Variants in XKR4 observed in about 807,000 individuals in gnomAD.
XKR4 encodes XK related 4.
A neutral mutation model predicts 53.9 loss-of-function variants in XKR4; 12 were observed. The observed-to-expected ratio is 0.22, with a 90% CI of 0.14 to 0.36. The LOEUF is 0.36. Ranked by LOEUF, XKR4 falls within the 10% of genes least tolerant of loss-of-function variation. The probability of loss-of-function intolerance (pLI) is 1.00; values close to 1 mark genes in which losing one functional copy is unlikely to be tolerated. For synonymous variants in XKR4, 354 were observed against 362.4 expected (o/e 0.98, Z 0.26); for missense variants, 799 against 859.5 (o/e 0.93, Z 0.88).
chr8:55,465,882 A>G (rs1273000149), intron 2 of XKR4, among the ~76,000 whole-genome samples: 1 of 152,082 alleles, frequency 6.6e-6, no homozygotes, highest in African/African-American at 2.4e-5. Context: ...AGACACATGA[A>G]AAAATGCTCA....
At chr8:55,513,289 G>A (rs1009840033) in intron 2 of XKR4, among the ~76,000 whole-genome samples, 8 of 152,332 alleles carry the variant, frequency 5.3e-5, no homozygotes, top group Non-Finnish European at 1.2e-4. Flanking sequence ...CAATATTAGT[G>A]ATGCTTGCGG....
Position 55,462,168 on chromosome 8 carries a change from A to C in XKR4, c.1007-61113A>C, listed in dbSNP as rs529021098. On this transcript the variant is annotated intron_variant, in intron 2 of 2. Coordinates refer to ENST00000327381, the MANE Select transcript of XKR4 (RefSeq NM_052898.2). ...GAGAAGAGCAACTCCAAGACACATA[A>C]TTGTCAGATTCACCAAAGTTGAAAT... Among the ~76,000 whole-genome samples the C allele has an allele frequency of 1.4e-4, 22 of 152,344 alleles. No individual in the cohort carries two copies. In the South Asian group the frequency reaches 4.6e-3, roughly 32 times the overall value.
intron 1 of XKR4, among the ~76,000 whole-genome samples, chr8:55,247,867 T>TCTTTC (rs1368785247): frequency 1.5e-4 from 4 of 26,340 alleles, no homozygotes; most frequent in Non-Finnish European, 2.5e-4. Context: ...TTTTTTTTTT[T>TCTTTC]TTTTTTTGAG....
At chr8:55,269,504 G>C (rs1818657750) in intron 1 of XKR4, among the ~76,000 whole-genome samples, 1 of 152,104 alleles carries the variant, frequency 6.6e-6, no homozygotes, top group African/African-American at 2.4e-5. Flanking sequence ...TATGCATGTG[G>C]TATTATCAGA....
chr8:55,395,638 C>G (rs1804506083), intron 2 of XKR4, among the ~76,000 whole-genome samples: 1 of 152,040 alleles, frequency 6.6e-6, no homozygotes, highest in African/African-American at 2.4e-5. Context: ...GGTCATTCAC[C>G]AGAATGTGTG....
chr8:55,303,523 A>G (rs1021360665), intron 1 of XKR4, among the ~76,000 whole-genome samples: 10 of 152,096 alleles, frequency 6.6e-5, no homozygotes, highest in African/African-American at 1.4e-4. Flanking sequence ...AAATGAGTTA[A>G]GGAGGATTCC....
At chr8:55,229,438 T>C (rs1375989726) in intron 1 of XKR4, among the ~76,000 whole-genome samples, 2 of 152,212 alleles carry the variant, frequency 1.3e-5, no homozygotes, top group African/African-American at 2.4e-5. Context: ...CTTCGTGGTA[T>C]CTAGAGCAGC....
intron 1 of XKR4, among the ~76,000 whole-genome samples, chr8:55,202,574 G>A (rs1019060951): frequency 5.3e-5 from 8 of 152,116 alleles, no homozygotes; most frequent in African/African-American, 1.9e-4. Context: ...TTTTGTCATC[G>A]TGGCTCACCT....
chr8:55,342,940 G>C (rs984235140), intron 1 of XKR4, among the ~76,000 whole-genome samples: 5 of 151,358 alleles, frequency 3.3e-5, no homozygotes, highest in Non-Finnish European at 7.4e-5. Context: ...TCTCCAAGTA[G>C]GTGCTCAACA....
Position 55,437,966 on chromosome 8 carries a change from A to AT in XKR4, c.1006+80089_1006+80090insT, listed in dbSNP as rs1805200788. Among the ~76,000 whole-genome samples, 7 of 46,584 alleles carry AT rather than the reference A, an allele frequency of 1.5e-4. No individual in the cohort carries two copies. In the South Asian group the frequency reaches 2.6e-3, roughly 17 times the overall value. The allele number at this position is 46,584 out of a possible 152,430, so 30.6% of individuals were successfully genotyped here. On this transcript the variant is annotated intron_variant, in intron 2 of 2. Coordinates refer to ENST00000327381, the MANE Select transcript of XKR4 (RefSeq NM_052898.2). ...CCAAACAAACAAACAAAAAAAAAAA[A>AT]GAAGAAGAAGAAGAAGAAGAAAGAA...
intron 1 of XKR4, among the ~76,000 whole-genome samples, chr8:55,315,389 T>C (rs1819458449): frequency 6.6e-6 from 1 of 152,332 alleles, no homozygotes; most frequent in Admixed American, 6.5e-5. Flanking sequence ...TTATTAATAT[T>C]GCAAAATAAG....
At chr8:55,248,836 G>T (rs1461124590) in intron 1 of XKR4, among the ~76,000 whole-genome samples, 1 of 151,986 alleles carries the variant, frequency 6.6e-6, no homozygotes, top group Non-Finnish European at 1.5e-5. Context: ...CCAGGGCAAT[G>T]TGACATCCCG....
intron 1 of XKR4, among the ~76,000 whole-genome samples, chr8:55,303,227 A>T (rs1013734687): frequency 2.0e-5 from 3 of 152,186 alleles, no homozygotes; most frequent in Non-Finnish European, 2.9e-5. Context: ...ATTTTGTCAA[A>T]GGACTTTTCT....
intron 2 of XKR4, among the ~76,000 whole-genome samples, chr8:55,487,630 A>C (rs184441128): frequency 6.0e-4 from 92 of 152,102 alleles, no homozygotes; most frequent in African/African-American, 1.9e-3. Flanking sequence ...CCATGCCCAG[A>C]TAACTTTTTT....
intron 2 of XKR4, among the ~76,000 whole-genome samples, chr8:55,369,880 A>G (rs1804049400): frequency 6.6e-6 from 1 of 152,160 alleles, no homozygotes; most frequent in Non-Finnish European, 1.5e-5. Context: ...ATAATAAATA[A>G]TGCTATGATA....
At chr8:55,190,655 GTATTTGAAAAGGCATAATAAT>G (rs1817434046) in intron 1 of XKR4, among the ~76,000 whole-genome samples, 1 of 152,112 alleles carries the variant, frequency 6.6e-6, no homozygotes, top group Non-Finnish European at 1.5e-5. Flanking sequence ...GAATAAAAAT[GTATTTGAAAAGGCATAATAAT>G]TTTAGAAAGG....
chr8:55,292,439 A>C (rs1439488509), intron 1 of XKR4, among the ~76,000 whole-genome samples: 1 of 152,118 alleles, frequency 6.6e-6, no homozygotes, highest in Non-Finnish European at 1.5e-5. Flanking sequence ...TTATATGTAC[A>C]GAATTGTTCA....
At chr8:55,426,323 T>C (rs573079304) in intron 2 of XKR4, among the ~76,000 whole-genome samples, 7 of 152,272 alleles carry the variant, frequency 4.6e-5, no homozygotes, top group African/African-American at 1.7e-4. Flanking sequence ...TCTGCTCAAG[T>C]ATTTTCTTCT....
At chr8:55,307,452 G>A (rs1238873935) in intron 1 of XKR4, among the ~76,000 whole-genome samples, 2 of 152,142 alleles carry the variant, frequency 1.3e-5, no homozygotes, top group African/African-American at 4.8e-5. Flanking sequence ...AGGAGTTCAA[G>A]ACCAGCCTGA....
Sources: allele counts gnomAD v4.1 joint callset (sites outside exome capture counted in the v4.1 genomes callset), GRCh38; gene constraint gnomAD v4.1.1; transcripts MANE v1.5; gene names NCBI Gene and HGNC (gene_info 2026-07-23, HGNC 2026-07-21).